The following OSBP2 variants were observed in gnomAD, a reference collection of about 807,000 sequenced individuals.
The protein encoded by OSBP2 is oxysterol-binding protein 2.
A neutral mutation model predicts 96.0 loss-of-function variants in OSBP2; 66 were observed. The ratio of observed to expected loss-of-function variants is 0.69; its 90% confidence interval spans 0.56 to 0.84. The LOEUF is 0.84. Among genes scored for constraint, OSBP2 ranks in the 40% least tolerant of loss-of-function variants. The pLI is 0.00. For synonymous variants in OSBP2, 525 were observed against 520.9 expected (o/e 1.01, Z -0.11); for missense variants, 1,038 against 1,222.7 (o/e 0.85, Z 2.25).
intron 2 of OSBP2, among the ~76,000 whole-genome samples, chr22:30,826,623 G>T (rs2038411030): frequency 6.6e-6 from 1 of 152,210 alleles, no homozygotes; most frequent in East Asian, 1.9e-4. Flanking sequence ...AGCTACCAGA[G>T]ATGGAGGCTG....
At chr22:30,882,301 A>ATCCCTGCCC (rs2039719284) in intron 3 of OSBP2, among the ~76,000 whole-genome samples, 1 of 152,060 alleles carries the variant, frequency 6.6e-6, no homozygotes, top group African/African-American at 2.4e-5. Context: ...ATCCCACAAC[A>ATCCCTGCCC]TCCCTGCCCT....
intron 2 of OSBP2, among the ~76,000 whole-genome samples, chr22:30,831,440 G>T (rs897210937): frequency 6.6e-6 from 1 of 152,146 alleles, no homozygotes; most frequent in African/African-American, 2.4e-5. Context: ...TATGTTGTAC[G>T]TGGCTGGAAC....
chr22:30,843,530 G>C (rs1484884937), intron 2 of OSBP2, among the ~76,000 whole-genome samples: 2 of 151,242 alleles, frequency 1.3e-5, no homozygotes, highest in Non-Finnish European at 2.9e-5. Context: ...CTGTCATTCA[G>C]GCTTCATTGT....
chr22:30,853,229 C>T (rs1384721107), intron 2 of OSBP2, among the ~76,000 whole-genome samples: 1 of 152,170 alleles, frequency 6.6e-6, no homozygotes, highest in East Asian at 1.9e-4. Context: ...AAACCACTAA[C>T]TATGTTAGAT....
Position 30,887,448 on chromosome 22 carries a change from T to C in OSBP2, c.1130T>C (p.Leu377Pro). 6.2e-7 allele frequency: 1 copy of C among 1,613,686 alleles called. No homozygotes were observed. Among genetic ancestry groups the C allele is most frequent in the Non-Finnish European group, 8.5e-7 (1 of 1,179,898 alleles). ...CAGGCCTGCAGGGACTTCTTGGAAC[T>C]AGCAGAGATACACAGTCGGAAATGG... ...MINACRDFLELAEIHSRKWQR... is the reference protein window; with the variant it reads ...MINACRDFLEPAEIHSRKWQR... Residue 377 changes from leucine to proline, a missense_variant, in exon 4 of 14, where the codon CTA becomes CCA. By Grantham distance (98) the Leu-to-Pro change is moderately conservative (BLOSUM62 -3). This residue lies in a region of OSBP2 where 737 missense variants were observed against 913.3 expected (regional missense o/e 0.81). Coordinates refer to ENST00000332585, the MANE Select transcript of OSBP2 (RefSeq NM_030758.4).
intron 2 of OSBP2, among the ~76,000 whole-genome samples, chr22:30,779,652 C>G (rs1024105500): frequency 1.3e-5 from 2 of 152,034 alleles, no homozygotes; most frequent in African/African-American, 4.8e-5. Context: ...ACGAAGTAAC[C>G]CCAAGTGACA....
At chr22:30,872,350 G>A (rs1036469321) in intron 3 of OSBP2, 5 of 456,424 alleles carry the variant, frequency 1.1e-5, no homozygotes, top group Admixed American at 2.3e-5. Flanking sequence ...CTCCCTACCC[G>A]AGACCAAAAC....
chr22:30,712,031 G>C (rs1429501307), intron 1 of OSBP2, among the ~76,000 whole-genome samples: 1 of 152,140 alleles, frequency 6.6e-6, no homozygotes, highest in East Asian at 1.9e-4. Context: ...GCCAACACTG[G>C]TGTAATACAC....
chr22:30,905,164 T>A (rs1032587953), intron 12 of OSBP2, among the ~76,000 whole-genome samples: 8 of 95,376 alleles, frequency 8.4e-5, no homozygotes, highest in Non-Finnish European at 1.0e-4. Flanking sequence ...TTTTTTTTTT[T>A]AGACGGAGCC....
chr22:30,887,170 C>T (rs1280702778), intron 3 of OSBP2, among the ~76,000 whole-genome samples: 2 of 152,134 alleles, frequency 1.3e-5, no homozygotes, highest in African/African-American at 2.4e-5. Context: ...TCACTCTCGT[C>T]GCCATTTTGG....
intron 3 of OSBP2, chr22:30,872,161 C>G: frequency 2.2e-6 from 1 of 450,110 alleles, no homozygotes; most frequent in Non-Finnish European, 4.5e-6. Context: ...CCATTGTCAC[C>G]TGCACTGTTT....
chr22:30,866,605 C>T (rs1409176351), intron 2 of OSBP2, among the ~76,000 whole-genome samples: 1 of 152,162 alleles, frequency 6.6e-6, no homozygotes, highest in Non-Finnish European at 1.5e-5. Context: ...GGCATGGTGG[C>T]GCACGCCTGT....
At chr22:30,821,828 A>C (rs1602312884) in intron 2 of OSBP2, among the ~76,000 whole-genome samples, 1 of 152,274 alleles carries the variant, frequency 6.6e-6, no homozygotes, top group East Asian at 1.9e-4. Context: ...AATTTCACTT[A>C]ACACGAATTT....
At chr22:30,779,989 T>C (rs1309254283) in intron 2 of OSBP2, among the ~76,000 whole-genome samples, 1 of 152,234 alleles carries the variant, frequency 6.6e-6, no homozygotes, top group African/African-American at 2.4e-5. Flanking sequence ...CACATTGTTT[T>C]TCCTTTTAGA....
chr22:30,730,719 T>TCTCTCTCTCTCTCC (rs1569100136), intron 1 of OSBP2, among the ~76,000 whole-genome samples: 25 of 10,576 alleles, frequency 2.4e-3, no homozygotes, highest in Admixed American at 9.9e-3. Flanking sequence ...CTGCCCTGTC[T>TCTCTCTCTCTCTCC]CTCTCTCTCT....
intron 1 of OSBP2, among the ~76,000 whole-genome samples, chr22:30,711,903 A>G (rs2089359947): frequency 6.6e-6 from 1 of 152,074 alleles, no homozygotes; most frequent in East Asian, 1.9e-4. Flanking sequence ...TGGTTTGATG[A>G]CATAGGTCTC....
intron 2 of OSBP2, among the ~76,000 whole-genome samples, chr22:30,759,313 A>C (rs1187978794): frequency 6.6e-6 from 1 of 152,170 alleles, no homozygotes; most frequent in Non-Finnish European, 1.5e-5. Context: ...GCACCACTGC[A>C]CTCCAGAGCA....
chr22:30,815,333 C>G (rs2091069928), intron 2 of OSBP2, among the ~76,000 whole-genome samples: 1 of 152,158 alleles, frequency 6.6e-6, no homozygotes. Flanking sequence ...ACCCTGACTT[C>G]CTGCTCACTA....
intron 2 of OSBP2, among the ~76,000 whole-genome samples, chr22:30,799,858 AG>A (rs2090825130): frequency 6.6e-6 from 1 of 152,204 alleles, no homozygotes; most frequent in Admixed American, 6.5e-5. Context: ...AGAGTTTGAA[AG>A]GGTCCTGAAT....
Sources: gnomAD v4.1 joint callset for allele counts (sites outside exome capture counted in the v4.1 genomes callset) on GRCh38, gnomAD v4.1.1 for gene constraint, gnomAD v4.1.1 regional missense constraint, MANE v1.5 for transcripts, NCBI Gene and HGNC (gene_info 2026-07-23, HGNC 2026-07-21) for gene names.